Variants in ZNF98 observed in about 807,000 individuals in gnomAD.
ZNF98 encodes the protein zinc finger protein 98.
A neutral mutation model predicts 12.8 loss-of-function variants in ZNF98; 8 were observed. The ratio of observed to expected loss-of-function variants is 0.63; its 90% CI spans 0.37 to 1.13. The LOEUF is 1.13. Ranked by LOEUF, ZNF98 falls within the 50% of genes most tolerant of loss-of-function variation. The pLI is 0.01. For missense variants in ZNF98, 379 were observed against 666.1 expected (o/e 0.57, Z 4.74); for synonymous variants, 112 against 223.5 (o/e 0.50, Z 4.45).
At chr19:22,397,230 G>GTGTT (rs1167993270) in intron 3 of ZNF98, among the ~76,000 whole-genome samples, 4 of 151,658 alleles carry the variant, frequency 2.6e-5, no homozygotes, top group Non-Finnish European at 5.9e-5. Context: ...GTGTGTGTGT[G>GTGTT]TGTGTATCTC....
intron 1 of ZNF98, among the ~76,000 whole-genome samples, chr19:22,419,515 T>C (rs1292993554): frequency 3.3e-5 from 5 of 152,208 alleles, no homozygotes; most frequent in Non-Finnish European, 5.9e-5. Flanking sequence ...ACTAGGCTCA[T>C]GCTTTGATTT....
chr19:22,421,820 T>C (rs1969707463), intron 1 of ZNF98, among the ~76,000 whole-genome samples: 1 of 152,128 alleles, frequency 6.6e-6, no homozygotes, highest in African/African-American at 2.4e-5. Context: ...AGGAACCCCA[T>C]AAACCAAACA....
chr19:22,405,269 TAA>T (rs71180544), intron 1 of ZNF98, among the ~76,000 whole-genome samples: 274 of 123,558 alleles, frequency 2.2e-3, no homozygotes, highest in African/African-American at 2.0e-3. Context: ...CATGCTTAGC[TAA>T]AAAAAAAAAA....
chr19:22,403,738 T>A (rs1439898492), intron 1 of ZNF98, among the ~76,000 whole-genome samples: 1 of 152,242 alleles, frequency 6.6e-6, no homozygotes, highest in East Asian at 1.9e-4. Context: ...AGATGATACT[T>A]TTTTGGATGA....
chr19:22,404,912 T>G (rs1969502794), intron 1 of ZNF98, among the ~76,000 whole-genome samples: 1 of 152,190 alleles, frequency 6.6e-6, no homozygotes, highest in African/African-American at 2.4e-5. Flanking sequence ...ACCTCAACAT[T>G]ACATGCTCTC....
At chr19:22,397,500 A>T (rs1969410343) in intron 3 of ZNF98, among the ~76,000 whole-genome samples, 2 of 152,084 alleles carry the variant, frequency 1.3e-5, no homozygotes, top group African/African-American at 2.4e-5. Flanking sequence ...ACCTCCTCTT[A>T]TTACAAAAAA....
intron 3 of ZNF98, among the ~76,000 whole-genome samples, chr19:22,395,178 GAAAAAAA>G (rs71180538): frequency 1.8e-4 from 18 of 99,898 alleles, no homozygotes; most frequent in African/African-American, 4.3e-4. Context: ...GTTTCAAAAA[GAAAAAAA>G]AAAAAAAAAA....
At chr19:22,395,582 A>T (rs116091904) in intron 3 of ZNF98, among the ~76,000 whole-genome samples, 5,552 of 151,416 alleles carry the variant, frequency 0.037, 295 homozygotes, top group African/African-American at 0.13. Context: ...TCAAAATATT[A>T]AAAAAAAACA....
intron 3 of ZNF98, among the ~76,000 whole-genome samples, chr19:22,393,287 T>C (rs1486867597): frequency 6.6e-6 from 1 of 152,216 alleles, no homozygotes. Context: ...ATAGTGACTT[T>C]AGAAATAAAT....
chr19:22,406,970 T>C (rs926777581), intron 1 of ZNF98, among the ~76,000 whole-genome samples: 2 of 152,150 alleles, frequency 1.3e-5, no homozygotes, highest in Non-Finnish European at 2.9e-5. Flanking sequence ...AGATGGGTGA[T>C]AACAAACTCC....
intron 1 of ZNF98, among the ~76,000 whole-genome samples, chr19:22,407,313 T>C (rs1469632758): frequency 4.0e-5 from 6 of 151,856 alleles, no homozygotes; most frequent in Non-Finnish European, 2.9e-5. Context: ...TGCCTTGGCT[T>C]CCCAAAGTGC....
chr19:22,413,698 C>G (rs2145120725), intron 1 of ZNF98, among the ~76,000 whole-genome samples: 1 of 151,528 alleles, frequency 6.6e-6, no homozygotes, highest in African/African-American at 2.4e-5. Flanking sequence ...TGGAGAAACC[C>G]CGTCTCTACT....
chr19:22,412,834 C>T (rs1969594390), intron 1 of ZNF98, among the ~76,000 whole-genome samples: 2 of 151,776 alleles, frequency 1.3e-5, no homozygotes. Context: ...GGGAGTATCA[C>T]GAGGTCAGGA....
chr19:22,420,990 A>C (rs910102336), intron 1 of ZNF98, among the ~76,000 whole-genome samples: 1 of 152,188 alleles, frequency 6.6e-6, no homozygotes, highest in African/African-American at 2.4e-5. Flanking sequence ...GTTTTATTTA[A>C]GACATTGCAT....
chr19:22,398,152 T>G (rs1477959391), intron 3 of ZNF98, among the ~76,000 whole-genome samples: 1 of 152,098 alleles, frequency 6.6e-6, no homozygotes, highest in East Asian at 1.9e-4. Flanking sequence ...TTCTAACAAC[T>G]ATAAAGGTAA....
At chr19:22,397,205 T>C (rs1026574666) in intron 3 of ZNF98, among the ~76,000 whole-genome samples, 2 of 74,300 alleles carry the variant, frequency 2.7e-5, no homozygotes, top group Admixed American at 1.3e-4. Flanking sequence ...TGTGTGTGTG[T>C]GTGTTTTTGT....
chr19:22,396,525 GAC>G (rs745795681), intron 3 of ZNF98, among the ~76,000 whole-genome samples: 29 of 149,846 alleles, frequency 1.9e-4, no homozygotes, highest in Non-Finnish European at 3.7e-4. Context: ...GTCTTTATCA[GAC>G]AGTTATTTAA....
intron 1 of ZNF98, among the ~76,000 whole-genome samples, chr19:22,406,740 C>CT (rs897677371): frequency 5.9e-5 from 9 of 152,006 alleles, no homozygotes; most frequent in African/African-American, 1.9e-4. Flanking sequence ...TGACGTGAAC[C>CT]TGGGAGGCAG....
Position 22,391,743 on chromosome 19 carries a change from C to T in ZNF98, c.1492G>A (p.Ala498Thr). The T allele has an allele frequency of 6.2e-7, 1 of 1,613,086 alleles. No homozygotes were observed. Residue 498 changes from alanine to threonine, a missense_variant, in exon 4 of 4, where the codon GCT becomes ACT. Coordinates refer to ENST00000357774, the MANE Select transcript of ZNF98 (RefSeq NM_001098626.2). Reference sequence around the variant, plus strand: ...GTAAGGTGTGAGGACTGGTTAAAAGCTTTGCCACATTCTTCACATTTGTAG... The same window carrying T: ...GTAAGGTGTGAGGACTGGTTAAAAGTTTTGCCACATTCTTCACATTTGTAG... Reference protein sequence around the residue: ...KPYKCEECGKAFNQSSHLTTH... With the variant: ...KPYKCEECGKTFNQSSHLTTH...
Sources: gnomAD v4.1 joint callset for allele counts (sites outside exome capture counted in the v4.1 genomes callset) on GRCh38, gnomAD v4.1.1 for gene constraint, MANE v1.5 for transcripts, NCBI Gene and HGNC (gene_info 2026-07-23, HGNC 2026-07-21) for gene names.